Variants in EIF3L observed in about 807,000 individuals in gnomAD.
EIF3L encodes eIEF associated protein HSPC021.
EIF3L carries 32 observed loss-of-function variants against 74.6 expected under a neutral mutation model. The observed-to-expected ratio is 0.43, with a 90% confidence interval of 0.32 to 0.58. The LOEUF is 0.58. Among genes scored for constraint, EIF3L ranks in the 20% least tolerant of loss-of-function variants. The pLI is 0.06. For missense variants in EIF3L, 474 were observed against 707.8 expected (o/e 0.67, Z 3.75); for synonymous variants, 256 against 254.4 (o/e 1.01, Z -0.06).
At chr22:37,861,545 G>A (rs756122595) in intron 5 of EIF3L, among the ~76,000 whole-genome samples, 1 of 152,128 alleles carries the variant, frequency 6.6e-6, no homozygotes, top group African/African-American at 2.4e-5. Context: ...TTAGCCAGGC[G>A]TGGTGGCGTG....
rs776750051 is a variant in EIF3L at position 37,851,408 on chromosome 22, G to A, written c.211G>A (p.Val71Met). The A allele has an allele frequency of 1.3e-5, 21 of 1,614,016 alleles. No homozygotes were observed. The highest frequency in any genetic ancestry group is 1.7e-6 in the Non-Finnish European group (2 of 1,180,036). ...TGTCTCAGATTTGATTGACCAGAAA[G>A]TGTATGAGCTACAGGCCAGTCGTGT... ...KTVSDLIDQK[V>M]YELQASRVSS... The change falls in exon 3 of 13, where the codon GTG (valine) becomes ATG (methionine). Residue 71 changes from valine to methionine, a missense_variant. By Grantham distance (21) the Val-to-Met change is conservative. Transcript: ENST00000652021.
At chr22:37,876,526 C>CT (rs766181790) in intron 10 of EIF3L, 18 of 152,458 alleles carry the variant, frequency 1.2e-4, no homozygotes, top group African/African-American at 4.1e-4. Context: ...TCTCGAACTC[C>CT]TGACCTCAGG....
chr22:37,882,539 T>G (rs1422480303), intron 11 of EIF3L: 2 of 151,912 alleles, frequency 1.3e-5, no homozygotes, highest in Non-Finnish European at 2.9e-5. Context: ...TAGCCGGGCA[T>G]GGTGGTGCGT....
At position 37,888,430 on chromosome 22, in the gene EIF3L, A is replaced by G; in HGVS notation, c.1661A>G (p.Asn554Ser). 1 of 1,614,086 alleles carries G rather than the reference A, an allele frequency of 6.2e-7. No individual in the cohort carries two copies. The highest frequency in any genetic ancestry group is 8.5e-7 in the Non-Finnish European group (1 of 1,180,004). ...TTGCTTTTCTTTCTCTTCTAGCTTAATCGAACCCTGAAGAAGATGGGACAG... is the reference window on the plus strand; with the variant it reads ...TTGCTTTTCTTTCTCTTCTAGCTTAGTCGAACCCTGAAGAAGATGGGACAG... ...IRQIHKFEEL[N>S]RTLKKMGQRP The change falls in exon 13 of 13, where the codon AAT becomes AGT. Residue 554 changes from asparagine to serine, a missense_variant. By Grantham distance (46) the Asn-to-Ser change is conservative. Transcript: ENST00000652021.
intron 7 of EIF3L, among the ~76,000 whole-genome samples, chr22:37,866,829 A>G (rs760646552): frequency 6.6e-6 from 1 of 152,204 alleles, no homozygotes; most frequent in Non-Finnish European, 1.5e-5. Flanking sequence ...CACCATGCCC[A>G]GCCATGAGGT....
At chr22:37,863,655 C>T (rs1399077550) in intron 7 of EIF3L, among the ~76,000 whole-genome samples, 1 of 152,126 alleles carries the variant, frequency 6.6e-6, no homozygotes, top group Non-Finnish European at 1.5e-5. Context: ...GAAGTGGATT[C>T]TAACTTGGGT....
chr22:37,863,382 G>A lies in EIF3L; in HGVS notation c.579+37G>A, dbSNP rs777789278. On this transcript the variant is annotated intron_variant, in intron 7 of 12. Transcript: ENST00000652021. The stretch of plus-strand genomic sequence containing the variant: ...GCTTCAGCCTAATTTGAAATAACTG[G>A]TCCATGCCAGGAATAGCTGTTACTA... 1.7e-5 allele frequency: 26 copies of A among 1,507,210 alleles called. No individual in the cohort carries two copies. In the South Asian group the frequency reaches 2.5e-4, roughly 15 times the overall value. 93.4% of individuals were successfully genotyped at this position (1,507,210 alleles called of 1,614,324 possible).
At chr22:37,849,661 A>G in intron 1 of EIF3L, 179 bp downstream of exon 1, 1 of 684,548 alleles carries the variant, frequency 1.5e-6, no homozygotes, top group Non-Finnish European at 2.5e-6. Flanking sequence ...CTGCCCGCCC[A>G]CTTCGCGTGT....
intron 7 of EIF3L, among the ~76,000 whole-genome samples, chr22:37,865,633 G>T (rs895455118): frequency 6.6e-6 from 1 of 152,146 alleles, no homozygotes; most frequent in Admixed American, 6.5e-5. Flanking sequence ...GTGCTGAACC[G>T]TTACGAGTGG....
intron 7 of EIF3L, among the ~76,000 whole-genome samples, chr22:37,865,502 A>T (rs1230060161): frequency 6.6e-6 from 1 of 152,200 alleles, no homozygotes; most frequent in Non-Finnish European, 1.5e-5. Context: ...TTGACAAAAT[A>T]TAATTCTTTT....
chr22:37,886,884 A>G (rs1395691377), intron 12 of EIF3L, 39 bp downstream of exon 12: 1 of 1,531,326 alleles, frequency 6.5e-7, no homozygotes, highest in Admixed American at 1.7e-5. Flanking sequence ...TTGGCTCAGG[A>G]CAGAGCTTAG....
chr22:37,875,391 G>C (rs1601776158), intron 9 of EIF3L, among the ~76,000 whole-genome samples: 2 of 151,136 alleles, frequency 1.3e-5, no homozygotes, highest in African/African-American at 4.9e-5. Context: ...AAAAAAAAAA[G>C]AATTAAGTAA....
At chr22:37,887,642 C>T (rs1179028990) in intron 12 of EIF3L, 1 of 152,242 alleles carries the variant, frequency 6.6e-6, no homozygotes, top group Non-Finnish European at 1.5e-5. Flanking sequence ...TGGGGTTGGG[C>T]CTGTAGGAAT....
intron 8 of EIF3L, among the ~76,000 whole-genome samples, chr22:37,871,938 A>G (rs888817169): frequency 5.3e-5 from 8 of 152,092 alleles, no homozygotes; most frequent in African/African-American, 1.9e-4. Context: ...GCAAAATCCA[A>G]AACACTTCTG....
intron 4 of EIF3L, 35 bp downstream of exon 4, chr22:37,855,679 T>C (rs2157472): frequency 0.68 from 1,061,970 of 1,564,430 alleles, 364,416 homozygotes; most frequent in African/African-American, 0.92. Flanking sequence ...GTGCACTGAG[T>C]GGAATCCAGT....
rs111348182 is a variant in EIF3L at position 37,878,271 on chromosome 22, C to T, written c.1575+100C>T. On this transcript the variant is annotated intron_variant, in intron 11 of 12. Coordinates refer to ENST00000652021, the MANE Select transcript of EIF3L (RefSeq NM_016091.4). ...AGTATATCGGGGAACAAAAAGATTC[C>T]TGGCCTTGTGGTGCTGCCACAAGGT... 1.7e-4 allele frequency: 248 copies of T among 1,453,560 alleles called. No individual in the cohort carries two copies. The African/African-American group carries it at 3.0e-3, about 18-fold the overall frequency. The allele number at this position is 1,453,560 out of a possible 1,614,324, so 90.0% of individuals were successfully genotyped here.
intron 1 of EIF3L, 45 bp from the exon 2 acceptor site, chr22:37,849,969 AT>A: frequency 6.2e-7 from 1 of 1,611,258 alleles, no homozygotes; most frequent in South Asian, 1.1e-5. Flanking sequence ...AGCGTTTTGA[AT>A]TCACGACTTG....
chr22:37,865,580 G>C (rs1926106465), intron 7 of EIF3L, among the ~76,000 whole-genome samples: 1 of 152,188 alleles, frequency 6.6e-6, no homozygotes, highest in South Asian at 2.1e-4. Context: ...TAATAAAGAT[G>C]TTATTAGAAC....
At chr22:37,862,889 C>G (rs1314334988) in intron 5 of EIF3L, 80 bp from the exon 6 acceptor site, 18 of 1,002,896 alleles carry the variant, frequency 1.8e-5, no homozygotes, top group Non-Finnish European at 2.4e-5. Flanking sequence ...TGTATTTGTT[C>G]ACAGCTGTCA....
Sources: allele counts gnomAD v4.1 joint callset (sites outside exome capture counted in the v4.1 genomes callset), GRCh38; gene constraint gnomAD v4.1.1; transcripts MANE v1.5; gene names NCBI Gene and HGNC (gene_info 2026-07-23, HGNC 2026-07-21).